SLC35E2B: variants seen among roughly 807,000 people sequenced by gnomAD.
The protein encoded by SLC35E2B is solute carrier family 35, member E2B.
In SLC35E2B, 18 loss-of-function variants were observed where a neutral mutation model predicts 32.4. That is an observed-to-expected ratio of 0.56 (90% CI 0.38 to 0.82). The LOEUF is 0.82. Ranked by LOEUF, SLC35E2B falls within the 40% of genes least tolerant of loss-of-function variation. The probability of loss-of-function intolerance (pLI) is 0.00; values close to 1 mark genes in which losing one functional copy is unlikely to be tolerated. For synonymous variants in SLC35E2B, 132 were observed against 209.1 expected, an observed-to-expected ratio of 0.63 and a Z score of 3.18; for missense variants, 263 against 469.5, an observed-to-expected ratio of 0.56 and a Z score of 4.06.
chr1:1,669,578 C>G, intron 8 of SLC35E2B, 86 bp downstream of exon 8: 1 of 1,373,656 alleles, frequency 7.3e-7, no homozygotes, highest in Non-Finnish European at 9.8e-7. Flanking sequence ...CAGCACACGG[C>G]CTGGAAACGG....
intron 2 of SLC35E2B, among the ~76,000 whole-genome samples, chr1:1,677,434 C>A (rs868179706): frequency 6.6e-6 from 1 of 151,514 alleles, no homozygotes. Context: ...TTGTGGCTGC[C>A]GCTGTCGGGT....
At chr1:1,670,244 G>T in intron 6 of SLC35E2B, 93 bp from the exon 7 acceptor site, 1 of 916,530 alleles carries the variant, frequency 1.1e-6, no homozygotes, top group Non-Finnish European at 1.7e-6. Context: ...GAGCGATGGC[G>T]ACAATGACCA....
intron 5 of SLC35E2B, chr1:1,672,727 G>T (rs1643730111): frequency 6.6e-6 from 1 of 152,472 alleles, no homozygotes; most frequent in South Asian, 2.1e-4. Flanking sequence ...TGCCCCTCCA[G>T]CCCCAGGAGA....
At chr1:1,686,379 T>C (rs1643951456) in intron 2 of SLC35E2B, among the ~76,000 whole-genome samples, 1 of 146,510 alleles carries the variant, frequency 6.8e-6, no homozygotes, top group Non-Finnish European at 1.5e-5. Context: ...GGCAAATACA[T>C]AAATATTTTG....
chr1:1,692,399 C>A (rs1644025373), intron 1 of SLC35E2B, 50 bp downstream of exon 1: 1 of 992,996 alleles, frequency 1.0e-6, no homozygotes, highest in African/African-American at 1.8e-5. Flanking sequence ...ACCGAGCACG[C>A]AGCACCCAGC....
chr1:1,665,841 G>T lies in SLC35E2B; in HGVS notation c.1159C>A (p.Arg387=). 1.9e-6 allele frequency: 3 copies of T among 1,550,988 alleles called. No individual in the cohort carries two copies. The highest frequency in any genetic ancestry group is 2.6e-6 in the Non-Finnish European group (3 of 1,146,990). The change falls in exon 10 of 10, where the codon CGG becomes AGG. Residue 387 remains arginine (R), a synonymous_variant. Transcript: ENST00000617444. The part of the protein sequence containing the change: ...ALQSLAAATG[R]APDDTVEPLL... ...GGCTCCACTGTGTCGTCTGGGGCCC[G>T]GCCAGTGGCTGCAGCCAGGCTCTGC...
In SLC35E2B at chr1:1,666,263, G is replaced by A. The variant is rs182034596; in HGVS notation, c.981-244C>T. ...GCCCAGGGGTTTGGGAGCTTTCAGCGGGGCTTGCCTGCTCCCTCGTCCCTT... is the reference window on the plus strand; with the variant it reads ...GCCCAGGGGTTTGGGAGCTTTCAGCAGGGCTTGCCTGCTCCCTCGTCCCTT... On this transcript the variant is annotated intron_variant, in intron 9 of 9. Transcript: ENST00000617444. Among the ~76,000 whole-genome samples the A allele has an allele frequency of 2.0e-4, 31 of 152,332 alleles. No individual in the cohort carries two copies. The East Asian group carries it at 5.4e-3, about 27-fold the overall frequency.
chr1:1,683,280 G>A (rs914727862), intron 2 of SLC35E2B, among the ~76,000 whole-genome samples: 2 of 152,084 alleles, frequency 1.3e-5, no homozygotes, highest in African/African-American at 2.4e-5. Flanking sequence ...GGTCCCCTGC[G>A]GCGAGGGCTG....
chr1:1,665,772 C>G lies in SLC35E2B; in HGVS notation c.*10G>C. The G allele has an allele frequency of 6.5e-7, 1 of 1,548,834 alleles. No homozygotes were observed. The highest frequency in any genetic ancestry group is 1.2e-5 in the South Asian group (1 of 83,998). On this transcript the variant is annotated 3_prime_UTR_variant, in exon 10 of 10. Transcript: ENST00000617444. ...TCACGAGGACAGCAGCAGCTGGCAG[C>G]TTCCTGCTCTCAGGGATGCTGCCTG...
At chr1:1,671,311 A>G in intron 6 of SLC35E2B, 198 bp downstream of exon 6, 1 of 491,116 alleles carries the variant, frequency 2.0e-6, no homozygotes, top group Non-Finnish European at 3.4e-6. Flanking sequence ...AAGACCGTCC[A>G]TCCTGAAATT....
intron 2 of SLC35E2B, among the ~76,000 whole-genome samples, chr1:1,686,831 C>T (rs1350442250): frequency 6.6e-6 from 1 of 151,812 alleles, no homozygotes; most frequent in Non-Finnish European, 1.5e-5. Context: ...CCAAGGGGGT[C>T]GGATCATGAG....
intron 5 of SLC35E2B, among the ~76,000 whole-genome samples, chr1:1,675,017 G>A (rs1300098678): frequency 6.6e-6 from 1 of 151,902 alleles, no homozygotes; most frequent in Non-Finnish European, 1.5e-5. Flanking sequence ...AGGGGCTGGG[G>A]CCCAGGACAG....
Position 1,680,299 on chromosome 1 carries a change from T to C in SLC35E2B, c.-147-3453A>G, listed in dbSNP as rs567997468. Among the ~76,000 whole-genome samples the C allele has an allele frequency of 4.7e-3, 714 of 151,782 alleles. 10 individuals carry two copies. Among genetic ancestry groups the C allele is most frequent in the African/African-American group, 0.017 (691 of 41,316 alleles). On this transcript the variant is annotated intron_variant, in intron 2 of 9. Coordinates refer to ENST00000617444, the MANE Select transcript of SLC35E2B (RefSeq NM_001290264.2). The stretch of plus-strand genomic sequence containing the variant: ...CTGGGCAACAGAGCAAGACCCTGAC[T>C]CTAAAAATTAAAAAAAAGTTAAAAA...
chr1:1,666,098 T>C (rs1415958842), intron 9 of SLC35E2B, 79 bp from the exon 10 acceptor site: 2 of 1,468,836 alleles, frequency 1.4e-6, no homozygotes, highest in Non-Finnish European at 9.1e-7. Flanking sequence ...CGGCTGAGCC[T>C]GGGTCTGGAG....
chr1:1,683,709 A>C (rs1195084141), intron 2 of SLC35E2B, among the ~76,000 whole-genome samples: 1 of 150,214 alleles, frequency 6.7e-6, no homozygotes, highest in Admixed American at 6.6e-5. Context: ...AGTCCCCCCT[A>C]CCCCCGCTCT....
chr1:1,678,815 G>A (rs1230128781), intron 2 of SLC35E2B, among the ~76,000 whole-genome samples: 1 of 152,182 alleles, frequency 6.6e-6, no homozygotes, highest in Non-Finnish European at 1.5e-5. Flanking sequence ...CCTGGAGCTA[G>A]GACTGGCTGG....
At chr1:1,671,666 C>T in intron 5 of SLC35E2B, 37 bp from the exon 6 acceptor site, 4 of 1,482,062 alleles carry the variant, frequency 2.7e-6, no homozygotes, top group Non-Finnish European at 2.7e-6. Flanking sequence ...GGCTGACCCG[C>T]CGGGCGGACG....
intron 2 of SLC35E2B, among the ~76,000 whole-genome samples, chr1:1,681,928 C>A (rs80070807): frequency 0.37 from 51,587 of 138,518 alleles, 10,853 homozygotes; most frequent in East Asian, 0.55. Flanking sequence ...GAGCTTGCAG[C>A]GAGCCGAGAT....
intron 2 of SLC35E2B, among the ~76,000 whole-genome samples, chr1:1,679,923 G>A (rs962370842): frequency 6.6e-6 from 1 of 151,634 alleles, no homozygotes; most frequent in Non-Finnish European, 1.5e-5. Context: ...ATGAGGTCAG[G>A]AGTTCAAGAC....
Sources: gnomAD v4.1 joint callset for allele counts (sites outside exome capture counted in the v4.1 genomes callset) on GRCh38, gnomAD v4.1.1 for gene constraint, MANE v1.5 for transcripts, NCBI Gene and HGNC (gene_info 2026-07-23, HGNC 2026-07-21) for gene names.